The following STK4 variants were observed in gnomAD, a reference collection of about 807,000 sequenced individuals.
The protein encoded by STK4 is serine/threonine-protein kinase 4.
A neutral mutation model predicts 64.9 loss-of-function variants in STK4; 30 were observed. That is an observed-to-expected ratio of 0.46 (90% CI 0.35 to 0.63). STK4 has a LOEUF of 0.63. Among genes scored for constraint, STK4 ranks in the 20% least tolerant of loss-of-function variants. The probability of loss-of-function intolerance (pLI) is 0.01; values close to 1 mark genes in which losing one functional copy is unlikely to be tolerated. For synonymous variants in STK4, 177 were observed against 199.0 expected (o/e 0.89, Z 0.93); for missense variants, 466 against 598.5 (o/e 0.78, Z 2.31).
At chr20:45,046,041 A>C (rs772488747) in intron 10 of STK4, among the ~76,000 whole-genome samples, 1 of 152,080 alleles carries the variant, frequency 6.6e-6, no homozygotes, top group Non-Finnish European at 1.5e-5. Context: ...TCCTGACCTC[A>C]GGTGATCCGC....
intron 10 of STK4, among the ~76,000 whole-genome samples, chr20:45,072,690 T>C (rs1297642103): frequency 6.6e-6 from 1 of 152,258 alleles, no homozygotes; most frequent in Admixed American, 6.5e-5. Context: ...ACAGGTATTA[T>C]GTACCAGCCC....
Position 44,987,131 on chromosome 20 carries a change from G to T in STK4, c.361-1G>T. ...ATTTGAACTTCTTATTCTTTTTTCA[G>T]TTAACAGAAGATGAAATAGCTACAA... On this transcript the variant is annotated splice_acceptor_variant, in intron 4 of 10. Coordinates refer to ENST00000372806, the MANE Select transcript of STK4 (RefSeq NM_006282.5). LOFTEE classifies it high-confidence loss of function. 1 of 1,574,968 alleles carries T rather than the reference G, an allele frequency of 6.3e-7. No homozygotes were observed.
At chr20:45,065,950 G>A (rs1413488481) in intron 10 of STK4, among the ~76,000 whole-genome samples, 1 of 151,710 alleles carries the variant, frequency 6.6e-6, no homozygotes, top group Non-Finnish European at 1.5e-5. Context: ...AGTTCCTCTA[G>A]TTTATATGAG....
intron 10 of STK4, among the ~76,000 whole-genome samples, chr20:45,037,583 C>T (rs758259952): frequency 4.0e-5 from 6 of 151,824 alleles, no homozygotes; most frequent in Non-Finnish European, 8.8e-5. Flanking sequence ...GTTTGAATTC[C>T]CTGGATAGTT....
At chr20:44,967,693 G>A (rs1320612656) in intron 1 of STK4, among the ~76,000 whole-genome samples, 1 of 138,294 alleles carries the variant, frequency 7.2e-6, no homozygotes, top group Non-Finnish European at 1.6e-5. Context: ...CAACCAAGAG[G>A]TGAAGAGAAG....
intron 10 of STK4, among the ~76,000 whole-genome samples, chr20:45,026,632 C>G (rs1015174015): frequency 6.6e-6 from 1 of 152,100 alleles, no homozygotes; most frequent in African/African-American, 2.4e-5. Context: ...TTAGCTTTTA[C>G]TCTTGAGTGG....
At chr20:45,054,656 G>A (rs188316396) in intron 10 of STK4, among the ~76,000 whole-genome samples, 124 of 150,668 alleles carry the variant, frequency 8.2e-4, no homozygotes, top group African/African-American at 2.8e-3. Context: ...AACCACTTGC[G>A]GGCTGTGTTA....
chr20:44,996,845 A>T (rs941098706), intron 6 of STK4, among the ~76,000 whole-genome samples: 1 of 152,082 alleles, frequency 6.6e-6, no homozygotes, highest in African/African-American at 2.4e-5. Flanking sequence ...TATCTTTAGG[A>T]TGTAGATACT....
intron 2 of STK4, 114 bp from the exon 3 acceptor site, chr20:44,978,329 T>G: frequency 7.9e-7 from 1 of 1,267,528 alleles, no homozygotes; most frequent in Non-Finnish European, 1.1e-6. Flanking sequence ...CAAGTGTATA[T>G]GTATTAGGCA....
chr20:44,978,251 A>G (rs534851782), intron 2 of STK4, among the ~76,000 whole-genome samples, 192 bp from the exon 3 acceptor site: 2 of 152,360 alleles, frequency 1.3e-5, no homozygotes, highest in Admixed American at 1.3e-4. Flanking sequence ...GAAGCTTTCA[A>G]GATGCCATTT....
At chr20:45,041,623 G>T (rs1475356071) in intron 10 of STK4, among the ~76,000 whole-genome samples, 1 of 150,794 alleles carries the variant, frequency 6.6e-6, no homozygotes, top group Admixed American at 6.6e-5. Context: ...GATTGTTTTG[G>T]TTTTTTAGGT....
Position 45,076,123 on chromosome 20 carries a change from T to C in STK4, c.*947T>C, listed in dbSNP as rs1980496417. On this transcript the variant is annotated 3_prime_UTR_variant, in exon 11 of 11. Coordinates refer to ENST00000372806, the MANE Select transcript of STK4 (RefSeq NM_006282.5). The surrounding 1 kb of genome is among the most constrained non-coding windows in gnomAD (Gnocchi z 4.0). ...GCTCCACATTCCTTACACACAGGGGTAGAGGGGATTGCTTTTGTGACCCAC... is the reference window on the plus strand; with the variant it reads ...GCTCCACATTCCTTACACACAGGGGCAGAGGGGATTGCTTTTGTGACCCAC... 1 of 152,404 alleles carries C rather than the reference T, an allele frequency of 6.6e-6. No individual in the cohort carries two copies. Among genetic ancestry groups the C allele is most frequent in the African/African-American group, 2.4e-5 (1 of 41,370 alleles). 9.4% of individuals were successfully genotyped at this position (152,404 alleles called of 1,614,324 possible). A position where few individuals can be genotyped will look rare whatever the true frequency, so the allele number is the denominator to read the frequency against.
At chr20:45,037,174 G>A (rs1361095330) in intron 10 of STK4, among the ~76,000 whole-genome samples, 1 of 152,042 alleles carries the variant, frequency 6.6e-6, no homozygotes, top group Non-Finnish European at 1.5e-5. Flanking sequence ...AGAACCCCAG[G>A]GAAGGCACCA....
At chr20:45,038,733 C>T (rs1014526977) in intron 10 of STK4, among the ~76,000 whole-genome samples, 1 of 151,548 alleles carries the variant, frequency 6.6e-6, no homozygotes, top group Non-Finnish European at 1.5e-5. Flanking sequence ...AGAGGGCTTT[C>T]GTTTATACTA....
chr20:44,988,257 G>A (rs1355924992), intron 5 of STK4, among the ~76,000 whole-genome samples: 1 of 151,880 alleles, frequency 6.6e-6, no homozygotes, highest in African/African-American at 2.4e-5. Context: ...GCTTATGCCT[G>A]TAATCCCAGC....
chr20:44,973,892 C>T lies in STK4; in HGVS notation c.116+1734C>T, dbSNP rs1331444683. Reference sequence around the variant, plus strand: ...TGCTATTCTATTTTAAATGTATCAACTGAAGCATTTTCAAGACCTCATCAT... The same window carrying T: ...TGCTATTCTATTTTAAATGTATCAATTGAAGCATTTTCAAGACCTCATCAT... On this transcript the variant is annotated intron_variant, in intron 2 of 10. Transcript: ENST00000372806. Among the ~76,000 whole-genome samples, 4 of 152,294 alleles carry T rather than the reference C, an allele frequency of 2.6e-5. No homozygotes were observed. In the East Asian group the frequency reaches 5.8e-4, roughly 22 times the overall value.
intron 4 of STK4, 36 bp from the exon 5 acceptor site, chr20:44,987,096 A>G: frequency 3.3e-6 from 5 of 1,536,616 alleles, no homozygotes; most frequent in South Asian, 1.2e-5. Flanking sequence ...CGCTGATGTA[A>G]ACTGATAGAA....
intron 10 of STK4, among the ~76,000 whole-genome samples, chr20:45,053,434 T>C (rs890882680): frequency 6.6e-6 from 1 of 152,192 alleles, no homozygotes; most frequent in African/African-American, 2.4e-5. Context: ...GCTTCTTCTT[T>C]AGCGTTCATT....
chr20:45,001,483 T>G, intron 9 of STK4, 130 bp downstream of exon 9: 1 of 1,175,078 alleles, frequency 8.5e-7, no homozygotes. Flanking sequence ...AGTAGAAAAC[T>G]TGGAAGTTTG....
Sources: allele counts gnomAD v4.1 joint callset (sites outside exome capture counted in the v4.1 genomes callset), GRCh38; gene constraint gnomAD v4.1.1; non-coding constraint Gnocchi (gnomAD v3.1); transcripts MANE v1.5; gene names NCBI Gene and HGNC (gene_info 2026-07-23, HGNC 2026-07-21).